Variants in TXNDC16 observed in about 807,000 individuals in gnomAD.
The protein encoded by TXNDC16 is thioredoxin domain-containing protein 16.
In TXNDC16, 74 loss-of-function variants were observed where a neutral mutation model predicts 85.6. The ratio of observed to expected loss-of-function variants is 0.86; its 90% CI spans 0.72 to 1.05. TXNDC16 has a LOEUF of 1.05. TXNDC16 is among the 50% of genes least tolerant of loss of function. The pLI is 0.00. For synonymous variants in TXNDC16, 335 were observed against 326.5 expected, an observed-to-expected ratio of 1.03 and a Z score of -0.28; for missense variants, 959 against 947.0, an observed-to-expected ratio of 1.01 and a Z score of -0.17.
At chr14:52,433,423 A>C in intron 20 of TXNDC16, among the ~76,000 whole-genome samples, 1 of 152,336 alleles carries the variant, frequency 6.6e-6, no homozygotes, top group South Asian at 2.1e-4. Flanking sequence ...AAACTATATA[A>C]GGAAATGTAC....
intron 16 of TXNDC16, 123 bp from the exon 17 acceptor site, chr14:52,457,297 C>A (rs2035557404): frequency 1.9e-6 from 1 of 525,596 alleles, no homozygotes; most frequent in South Asian, 3.1e-5. Flanking sequence ...TATTTAAGTG[C>A]AGATGTCTTA....
chr14:52,440,481 TAGAG>T, intron 19 of TXNDC16, 79 bp downstream of exon 19: 3 of 1,201,098 alleles, frequency 2.5e-6, no homozygotes, highest in Non-Finnish European at 3.3e-6. Context: ...TCCAAAGAGT[TAGAG>T]AGTTTCGTTT....
chr14:52,441,660 TCCTGCAATTCGCCCATGCTATG>T (rs1025492251), intron 18 of TXNDC16, among the ~76,000 whole-genome samples: 15 of 151,974 alleles, frequency 9.9e-5, no homozygotes, highest in African/African-American at 3.6e-4. Flanking sequence ...GTAATCATTC[TCCTGCAATTCGCCCATGCTATG>T]CACATTAAAA....
At chr14:52,462,745 AT>A (rs2035681343) in intron 16 of TXNDC16, 1 of 353,972 alleles carries the variant, frequency 2.8e-6, no homozygotes, top group South Asian at 2.2e-5. Context: ...GAGAGTCCTC[AT>A]TTTTAAATGT....
intron 6 of TXNDC16, among the ~76,000 whole-genome samples, chr14:52,519,788 T>C (rs2037167850): frequency 6.6e-6 from 1 of 152,232 alleles, no homozygotes. Context: ...AAGCTATTCC[T>C]TTTGCTCCAT....
intron 6 of TXNDC16, among the ~76,000 whole-genome samples, chr14:52,520,588 C>T (rs1338868408): frequency 6.6e-6 from 1 of 151,844 alleles, no homozygotes; most frequent in East Asian, 1.9e-4. Flanking sequence ...CCAGCCTGGG[C>T]GACAGAGCGA....
chr14:52,457,037 C>T, intron 17 of TXNDC16, 53 bp downstream of exon 17: 6 of 1,222,556 alleles, frequency 4.9e-6, no homozygotes, highest in Non-Finnish European at 5.8e-6. Context: ...TATTAGATAA[C>T]ATTATTTTGC....
intron 18 of TXNDC16, among the ~76,000 whole-genome samples, chr14:52,447,493 C>T (rs2035311714): frequency 6.6e-6 from 1 of 152,220 alleles, no homozygotes; most frequent in Admixed American, 6.5e-5. Flanking sequence ...ATGTCTGACA[C>T]AGCACAGTGC....
At chr14:52,528,912 TATA>T (rs1309974158) in intron 6 of TXNDC16, among the ~76,000 whole-genome samples, 1 of 147,762 alleles carries the variant, frequency 6.8e-6, no homozygotes, top group Non-Finnish European at 1.5e-5. Context: ...ATATATTATC[TATA>T]ATACCTATTA....
rs1298511471 is a variant in TXNDC16 at position 52,488,347 on chromosome 14, A to T, written c.1108+16T>A. ...CTGGGCAGGATGGGGAAGGGGTGAGAATCATAACACATTACCTATATCTGG... is the reference window on the plus strand; with the variant it reads ...CTGGGCAGGATGGGGAAGGGGTGAGTATCATAACACATTACCTATATCTGG... On this transcript the variant is annotated intron_variant, in intron 12 of 20. Coordinates refer to ENST00000281741, the MANE Select transcript of TXNDC16 (RefSeq NM_020784.3). 2 of 1,611,938 alleles carry T rather than the reference A, an allele frequency of 1.2e-6. No homozygotes were observed. The highest frequency in any genetic ancestry group is 1.7e-6 in the Non-Finnish European group (2 of 1,178,886).
chr14:52,494,431 T>C (rs1252623931), intron 9 of TXNDC16, among the ~76,000 whole-genome samples: 2 of 152,190 alleles, frequency 1.3e-5, no homozygotes, highest in African/African-American at 2.4e-5. Flanking sequence ...GAACAACCCC[T>C]GTCCAACAGC....
chr14:52,452,236 G>A (rs1335072836), intron 18 of TXNDC16, among the ~76,000 whole-genome samples: 2 of 152,156 alleles, frequency 1.3e-5, no homozygotes. Context: ...AATCACTGTT[G>A]TTAAAATGTT....
At chr14:52,494,574 TA>T (rs1383340462) in intron 9 of TXNDC16, among the ~76,000 whole-genome samples, 3 of 152,184 alleles carry the variant, frequency 2.0e-5, no homozygotes, top group African/African-American at 2.4e-5. Flanking sequence ...GAACTATTAG[TA>T]ATTAGTAATT....
chr14:52,468,589 A>G (rs1433607552), intron 16 of TXNDC16, among the ~76,000 whole-genome samples: 1 of 152,220 alleles, frequency 6.6e-6, no homozygotes, highest in African/African-American at 2.4e-5. Context: ...CATTTTAAAA[A>G]GTGAGTGGGC....
intron 18 of TXNDC16, among the ~76,000 whole-genome samples, chr14:52,441,172 T>A (rs1345378057): frequency 6.6e-5 from 10 of 152,204 alleles, no homozygotes; most frequent in African/African-American, 2.2e-4. Flanking sequence ...TTTCCAATAT[T>A]ATGGTTAAAA....
intron 11 of TXNDC16, among the ~76,000 whole-genome samples, chr14:52,490,121 C>CCCAG (rs2036366046): frequency 6.6e-6 from 1 of 152,094 alleles, no homozygotes; most frequent in African/African-American, 2.4e-5. Flanking sequence ...AGCCACCATG[C>CCCAG]CCAGCCCAAT....
chr14:52,503,810 G>T (rs1463186401), intron 9 of TXNDC16, among the ~76,000 whole-genome samples: 2 of 152,166 alleles, frequency 1.3e-5, no homozygotes, highest in African/African-American at 4.8e-5. Context: ...CCATGGCAAA[G>T]AAGTTAAAAA....
intron 9 of TXNDC16, among the ~76,000 whole-genome samples, chr14:52,503,117 G>GGCCT (rs1447694583): frequency 6.6e-6 from 1 of 152,226 alleles, no homozygotes; most frequent in East Asian, 1.9e-4. Flanking sequence ...AGCTCAAGGA[G>GGCCT]GCCTGCCTGC....
chr14:52,508,684 A>G (rs1341821886), intron 9 of TXNDC16, among the ~76,000 whole-genome samples: 1 of 152,206 alleles, frequency 6.6e-6, no homozygotes, highest in African/African-American at 2.4e-5. Context: ...CAACAATGAT[A>G]GACTGGATTA....
Sources: allele counts gnomAD v4.1 joint callset (sites outside exome capture counted in the v4.1 genomes callset), GRCh38; gene constraint gnomAD v4.1.1; transcripts MANE v1.5; gene names NCBI Gene and HGNC (gene_info 2026-07-23, HGNC 2026-07-21).